The following RAB5B variants were observed in gnomAD, a reference collection of about 807,000 sequenced individuals.
RAB5B encodes RAB5B, member RAS oncogene family.
In RAB5B, 11 loss-of-function variants were observed where a neutral mutation model predicts 28.6. The observed-to-expected ratio is 0.38, with a 90% CI of 0.24 to 0.64. RAB5B has a LOEUF of 0.64. Among genes scored for constraint, RAB5B ranks in the 30% least tolerant of loss-of-function variants. The pLI is 0.53. For missense variants in RAB5B, 169 were observed against 265.6 expected (o/e 0.64, Z 2.53); for synonymous variants, 93 against 97.9 (o/e 0.95, Z 0.29).
Position 55,991,345 on chromosome 12 carries a change from TC to T in RAB5B, c.439-12del. ...ACCCTACATTCTGAGCACTAATACA[TC>T]CCACTCCTTGCAGGAGGCCCAGGCA... is the stretch of plus-strand genomic sequence containing the variant. On this transcript the variant is annotated splice_polypyrimidine_tract_variant and intron_variant, in intron 4 of 5. Transcript: ENST00000360299. The T allele has an allele frequency of 1.9e-6, 3 of 1,599,676 alleles. No homozygotes were observed. The South Asian group carries it at 3.3e-5, about 18-fold the overall frequency.
At chr12:55,991,535 C>G (rs1438839134) in intron 5 of RAB5B, 82 bp downstream of exon 5, 2 of 1,163,700 alleles carry the variant, frequency 1.7e-6, no homozygotes, top group South Asian at 1.3e-5. Context: ...AGGATAGGTG[C>G]GAGTATCTCC....
intron 1 of RAB5B, among the ~76,000 whole-genome samples, chr12:55,978,038 A>G (rs771535168): frequency 1.2e-4 from 18 of 152,152 alleles, no homozygotes; most frequent in Non-Finnish European, 2.4e-4. Context: ...AGGGCCACAT[A>G]TTGGGTGTGA....
rs934682357 is a variant in RAB5B, at chr12:55,996,106, C to T, written c.*3894C>T. The T allele has an allele frequency of 6.6e-6, 1 of 150,790 alleles. No individual in the cohort carries two copies. The highest frequency in any genetic ancestry group is 1.5e-5 in the Non-Finnish European group (1 of 67,856). The allele number at this position is 150,790 out of a possible 1,614,324, so 9.3% of individuals were successfully genotyped here. A position where few individuals can be genotyped will look rare whatever the true frequency, so the allele number is the denominator to read the frequency against. On this transcript the variant is annotated 3_prime_UTR_variant, in exon 6 of 6. Transcript: ENST00000360299. The stretch of plus-strand genomic sequence containing the variant: ...TTTCCATTTCCAAACACTTAAGAGC[C>T]AAAGCCAACTTGCCAACTTTTCACT...
At chr12:55,990,960 A>T in intron 4 of RAB5B, 156 bp downstream of exon 4, 11 of 966,612 alleles carry the variant, frequency 1.1e-5, no homozygotes, top group Non-Finnish European at 1.7e-5. Context: ...TGTGACCCTA[A>T]TGACAGCCAG....
intron 2 of RAB5B, among the ~76,000 whole-genome samples, chr12:55,988,889 A>G (rs1890028382): frequency 6.6e-6 from 1 of 150,528 alleles, no homozygotes; most frequent in African/African-American, 2.4e-5. Flanking sequence ...AATAATATTG[A>G]TAATGATGGG....
intron 4 of RAB5B, 87 bp downstream of exon 4, chr12:55,990,891 A>G: frequency 6.6e-7 from 1 of 1,509,552 alleles, no homozygotes; most frequent in South Asian, 1.2e-5. Context: ...TGAAAACGTC[A>G]ACAGAGGACA....
In RAB5B at chr12:55,992,680, G is replaced by T. The variant is rs1371154020; in HGVS notation, c.*468G>T. ...CAGGAACTGAGGAAGGAGGTTTCCAGTTCATTTACATTAAGGGCCCTGGGG... is the reference window on the plus strand; with the variant it reads ...CAGGAACTGAGGAAGGAGGTTTCCATTTCATTTACATTAAGGGCCCTGGGG... On this transcript the variant is annotated 3_prime_UTR_variant, in exon 6 of 6. Transcript: ENST00000360299. 3 of 388,598 alleles carry T rather than the reference G, an allele frequency of 7.7e-6. No homozygotes were observed. Among genetic ancestry groups the T allele is most frequent in the African/African-American group, 6.5e-5 (3 of 45,872 alleles). The allele number at this position is 388,598 out of a possible 1,614,324, so 24.1% of individuals were successfully genotyped here. A position where few individuals can be genotyped will look rare whatever the true frequency, so the allele number is the denominator to read the frequency against.
At position 55,995,917 on chromosome 12, in the gene RAB5B, T is replaced by TTC. The variant is rs897991926; in HGVS notation, c.*3716_*3717dup. ...TTTTTTTTTTAGGTTGAAGCTCGCTTTCTCTCTCTCTCCCTCTTTCTCCCT... is the reference window on the plus strand; with the variant it reads ...TTTTTTTTTTAGGTTGAAGCTCGCTTTCTCTCTCTCTCTCCCTCTTTCTCCCT... On this transcript the variant is annotated 3_prime_UTR_variant, in exon 6 of 6. Coordinates refer to ENST00000360299, the MANE Select transcript of RAB5B (RefSeq NM_002868.4). 2 of 141,512 alleles carry TTC rather than the reference T, an allele frequency of 1.4e-5. No homozygotes were observed. Among genetic ancestry groups the TTC allele is most frequent in the Non-Finnish European group, 3.1e-5 (2 of 64,950 alleles). 8.8% of individuals were successfully genotyped at this position (141,512 alleles called of 1,614,324 possible). A position where few individuals can be genotyped will look rare whatever the true frequency, so the allele number is the denominator to read the frequency against.
intron 5 of RAB5B, 107 bp downstream of exon 5, chr12:55,991,560 T>G: frequency 1.2e-6 from 1 of 861,628 alleles, no homozygotes; most frequent in Non-Finnish European, 1.9e-6. Context: ...GCAAAAACTT[T>G]AGGTATGGAA....
At chr12:55,988,714 G>T (rs566675399) in intron 2 of RAB5B, among the ~76,000 whole-genome samples, 1 of 151,952 alleles carries the variant, frequency 6.6e-6, no homozygotes, top group East Asian at 1.9e-4. Flanking sequence ...TGTTGGCCAG[G>T]CTGGTCTCAA....
chr12:55,979,790 C>T (rs780427784), intron 1 of RAB5B, among the ~76,000 whole-genome samples: 6 of 152,166 alleles, frequency 3.9e-5, no homozygotes, highest in Non-Finnish European at 5.9e-5. Flanking sequence ...CCAGTCTAAG[C>T]TCTCGATCCT....
At chr12:55,980,501 G>C in intron 1 of RAB5B, 1 of 1,589,516 alleles carries the variant, frequency 6.3e-7, no homozygotes, top group East Asian at 2.2e-5. Context: ...GCCGTTTCCT[G>C]ATCTCCGGCC....
At chr12:55,986,217 C>T (rs150800465) in intron 1 of RAB5B, among the ~76,000 whole-genome samples, 1,604 of 152,220 alleles carry the variant, frequency 0.011, 35 homozygotes, top group African/African-American at 0.037. Context: ...AAGGCCAAGG[C>T]GGGCAGATCA....
chr12:55,991,509 T>C (rs1890120771), intron 5 of RAB5B, 56 bp downstream of exon 5: 1 of 1,435,480 alleles, frequency 7.0e-7, no homozygotes, highest in South Asian at 1.1e-5. Context: ...GGCAAAATTA[T>C]AGCTAACCCA....
rs557687238 is a variant in RAB5B at position 55,990,162 on chromosome 12, C to T, written c.315+64C>T. 88 of 1,507,472 alleles carry T rather than the reference C, an allele frequency of 5.8e-5. No individual in the cohort carries two copies. In the East Asian group the frequency reaches 2.0e-3, roughly 34 times the overall value. The allele number at this position is 1,507,472 out of a possible 1,614,324, so 93.4% of individuals were successfully genotyped here. On this transcript the variant is annotated intron_variant, in intron 3 of 5. Transcript: ENST00000360299. ...TGGTGGCTTACGCCTATAATCCCAA[C>T]ACTTTAGGATGCCAAGGCGGGAGGA... is the stretch of plus-strand genomic sequence containing the variant.
intron 1 of RAB5B, among the ~76,000 whole-genome samples, chr12:55,979,935 T>G (rs1048229277): frequency 3.3e-5 from 5 of 152,184 alleles, no homozygotes; most frequent in African/African-American, 1.2e-4. Flanking sequence ...CTTGACAAGT[T>G]GACTAATTTT....
At chr12:55,990,995 A>G in intron 4 of RAB5B, 191 bp downstream of exon 4, 4 of 724,006 alleles carry the variant, frequency 5.5e-6, no homozygotes, top group South Asian at 1.9e-5. Flanking sequence ...AGTCAGGAGA[A>G]AACTCCAGAG....
rs1349446110 is a variant in RAB5B at position 55,994,746 on chromosome 12, A to G, written c.*2534A>G. The G allele has an allele frequency of 6.6e-6, 1 of 152,300 alleles. No homozygotes were observed. The highest frequency in any genetic ancestry group is 1.5e-5 in the Non-Finnish European group (1 of 67,998). The allele number at this position is 152,300 out of a possible 1,614,324, so 9.4% of individuals were successfully genotyped here. On this transcript the variant is annotated 3_prime_UTR_variant, in exon 6 of 6. Coordinates refer to ENST00000360299, the MANE Select transcript of RAB5B (RefSeq NM_002868.4). ...TGCTTTTTTTTATTTTATTGTTATT[A>G]TTATTATTATTTTTGCTATTTGTCA...
Position 55,992,545 on chromosome 12 carries a change from A to AT in RAB5B, c.*339dup, listed in dbSNP as rs1297126334. 1 of 489,700 alleles carries AT rather than the reference A, an allele frequency of 2.0e-6. No individual in the cohort carries two copies. Among genetic ancestry groups the AT allele is most frequent in the Admixed American group, 2.3e-5 (1 of 43,282 alleles). The allele number at this position is 489,700 out of a possible 1,614,324, so 30.3% of individuals were successfully genotyped here. On this transcript the variant is annotated 3_prime_UTR_variant, in exon 6 of 6. Transcript: ENST00000360299. ...CTCCTCCTCCCTAGTGTTCCTCCCC[A>AT]TTTTTTCAGAAAACACTTCTGACTC...
Sources: allele counts gnomAD v4.1 joint callset (sites outside exome capture counted in the v4.1 genomes callset), GRCh38; gene constraint gnomAD v4.1.1; transcripts MANE v1.5; gene names NCBI Gene and HGNC (gene_info 2026-07-23, HGNC 2026-07-21).